Variants in EAPP observed in about 807,000 individuals in gnomAD.
The protein encoded by EAPP is E2F associated phosphoprotein.
A neutral mutation model predicts 34.3 loss-of-function variants in EAPP; 38 were observed. The observed-to-expected ratio is 1.11, with a 90% confidence interval of 0.85 to 1.45. The LOEUF is 1.45. Ranked by LOEUF, EAPP falls within the 40% of genes most tolerant of loss-of-function variation. EAPP has a pLI of 0.00. For missense variants in EAPP, 338 were observed against 343.7 expected, an observed-to-expected ratio of 0.98 and a Z score of 0.13; for synonymous variants, 113 against 117.6, an observed-to-expected ratio of 0.96 and a Z score of 0.25.
chr14:34,523,212 G>A lies in EAPP; in HGVS notation c.581+1485C>T, dbSNP rs117962258. Reference sequence around the variant, plus strand: ...GGAAGGAGAGCCAGTTTGCTTCTATGCTGCTATTTTGCACTAGAAAAGATA... The same window carrying A: ...GGAAGGAGAGCCAGTTTGCTTCTATACTGCTATTTTGCACTAGAAAAGATA... On this transcript the variant is annotated intron_variant, in intron 5 of 5. Transcript: ENST00000250454. Among the ~76,000 whole-genome samples the A allele has an allele frequency of 6.0e-5, 9 of 151,242 alleles. No homozygotes were observed. In the East Asian group the frequency reaches 1.8e-3, roughly 29 times the overall value.
chr14:34,527,309 A>T (rs1051572846), intron 4 of EAPP, among the ~76,000 whole-genome samples: 14 of 152,156 alleles, frequency 9.2e-5, no homozygotes, highest in East Asian at 3.9e-4. Flanking sequence ...TATTAAAAAA[A>T]TTTTTTTAAT....
At chr14:34,519,587 C>CTGTGGAA (rs1384496312) in intron 5 of EAPP, among the ~76,000 whole-genome samples, 1 of 151,964 alleles carries the variant, frequency 6.6e-6, no homozygotes, top group African/African-American at 2.4e-5. Flanking sequence ...CCTATACAGC[C>CTGTGGAA]TGTGGAATTA....
At chr14:34,518,741 CTTCT>C (rs1172314923) in intron 5 of EAPP, among the ~76,000 whole-genome samples, 1 of 152,072 alleles carries the variant, frequency 6.6e-6, no homozygotes, top group Non-Finnish European at 1.5e-5. Context: ...ATATAGTAAA[CTTCT>C]TTGTTTCCTT....
chr14:34,536,983 A>C (rs1880500209), intron 1 of EAPP, among the ~76,000 whole-genome samples: 1 of 151,808 alleles, frequency 6.6e-6, no homozygotes, highest in South Asian at 2.1e-4. Context: ...AGTACACAGG[A>C]TCTCTCTGTA....
At chr14:34,523,999 T>C (rs765141261) in intron 5 of EAPP, among the ~76,000 whole-genome samples, 79 of 152,242 alleles carry the variant, frequency 5.2e-4, no homozygotes, top group Non-Finnish European at 8.2e-4. Context: ...CTCACGCATG[T>C]AATCCCAGCA....
chr14:34,522,266 T>A (rs148695027), intron 5 of EAPP, among the ~76,000 whole-genome samples: 59 of 142,478 alleles, frequency 4.1e-4, no homozygotes, highest in African/African-American at 1.3e-3. Flanking sequence ...ATAATTTTTT[T>A]AATTATTTCG....
intron 4 of EAPP, among the ~76,000 whole-genome samples, chr14:34,526,522 G>C (rs937182806): frequency 6.7e-6 from 1 of 148,508 alleles, no homozygotes; most frequent in African/African-American, 2.5e-5. Flanking sequence ...CTAGGAGTTT[G>C]AGACCAGCCT....
intron 4 of EAPP, among the ~76,000 whole-genome samples, 182 bp downstream of exon 4, chr14:34,529,176 C>G (rs1364340489): frequency 6.6e-6 from 1 of 152,050 alleles, no homozygotes; most frequent in Non-Finnish European, 1.5e-5. Flanking sequence ...AAAAAAAAGT[C>G]TCACTAAAAT....
chr14:34,520,995 T>C (rs936975986), intron 5 of EAPP, among the ~76,000 whole-genome samples: 1 of 152,168 alleles, frequency 6.6e-6, no homozygotes, highest in Admixed American at 6.6e-5. Context: ...GTGGTTTTAT[T>C]TGAGTCAAAT....
At chr14:34,524,453 G>C (rs958582737) in intron 5 of EAPP, among the ~76,000 whole-genome samples, 22 of 151,560 alleles carry the variant, frequency 1.5e-4, no homozygotes, top group African/African-American at 5.3e-4. Context: ...TCTAGATCTA[G>C]ATACACACAA....
chr14:34,516,645 T>C (rs1879742735), intron 5 of EAPP, 59 bp from the exon 6 acceptor site: 4 of 1,502,720 alleles, frequency 2.7e-6, no homozygotes, highest in Non-Finnish European at 2.7e-6. Flanking sequence ...AGTTTATCCA[T>C]TTAGATAAAA....
At chr14:34,524,665 G>GTGTGTGTA in intron 5 of EAPP, 32 bp downstream of exon 5, 1 of 1,057,412 alleles carries the variant, frequency 9.5e-7, no homozygotes. Flanking sequence ...GTATGTGTGT[G>GTGTGTGTA]TGTGTGTGTG....
Position 34,533,434 on chromosome 14 carries a change from G to A in EAPP, c.352+10C>T. The A allele has an allele frequency of 1.9e-6, 3 of 1,577,590 alleles. No homozygotes were observed. Among genetic ancestry groups the A allele is most frequent in the Non-Finnish European group, 2.6e-6 (3 of 1,147,356 alleles). On this transcript the variant is annotated intron_variant, in intron 3 of 5. Coordinates refer to ENST00000250454, the MANE Select transcript of EAPP (RefSeq NM_018453.4). ...ATATAACTGCTAAACCTGGTAAATA[G>A]GTTACTTACCTGCTCTGTCTTCATC... is the stretch of plus-strand genomic sequence containing the variant.
intron 5 of EAPP, among the ~76,000 whole-genome samples, chr14:34,520,843 G>C (rs1386462064): frequency 6.6e-6 from 1 of 150,864 alleles, no homozygotes; most frequent in Non-Finnish European, 1.5e-5. Flanking sequence ...TGATCTGTAT[G>C]CTTTCCACTG....
chr14:34,524,876 C>G, intron 4 of EAPP, 69 bp from the exon 5 acceptor site: 6 of 1,261,348 alleles, frequency 4.8e-6, no homozygotes, highest in Non-Finnish European at 6.9e-6. Context: ...GTGTCATTTT[C>G]CAATAAAAAG....
intron 4 of EAPP, among the ~76,000 whole-genome samples, chr14:34,527,978 A>T (rs536128934): frequency 4.6e-4 from 70 of 152,064 alleles, no homozygotes; most frequent in Middle Eastern, 3.4e-3. Flanking sequence ...CTCAAAAAAA[A>T]TTTTTAACTG....
chr14:34,530,776 T>A (rs1333101867), intron 3 of EAPP, among the ~76,000 whole-genome samples: 3 of 148,700 alleles, frequency 2.0e-5, no homozygotes, highest in Non-Finnish European at 1.5e-5. Flanking sequence ...ATTTCAAAAG[T>A]GAATTAAAAA....
chr14:34,525,772 C>A (rs1880073811), intron 4 of EAPP, among the ~76,000 whole-genome samples: 1 of 152,140 alleles, frequency 6.6e-6, no homozygotes, highest in Non-Finnish European at 1.5e-5. Context: ...GTAATCCCAG[C>A]ACTTTGGGAG....
Position 34,535,111 on chromosome 14 carries a change from C to CA in EAPP, c.256+982dup, listed in dbSNP as rs531799602. Among the ~76,000 whole-genome samples the CA allele has an allele frequency of 1.6e-4, 24 of 149,806 alleles. No individual in the cohort carries two copies. In the South Asian group the frequency reaches 4.9e-3, roughly 31 times the overall value. On this transcript the variant is annotated intron_variant, in intron 2 of 5. Transcript: ENST00000250454. Reference sequence around the variant, plus strand: ...TCGGCCTCCCAAAGTGCTGGGATTACAAGCATGAGCCACCACGCCTGGCCT... The same window carrying CA: ...TCGGCCTCCCAAAGTGCTGGGATTACAAAGCATGAGCCACCACGCCTGGCCT...
Sources: allele counts gnomAD v4.1 joint callset (sites outside exome capture counted in the v4.1 genomes callset), GRCh38; gene constraint gnomAD v4.1.1; transcripts MANE v1.5; gene names NCBI Gene and HGNC (gene_info 2026-07-23, HGNC 2026-07-21).